Variants in SLF1 observed in about 807,000 individuals in gnomAD.
SLF1 encodes SMC5/6 complex localization factor 1.
In SLF1, 105 loss-of-function variants were observed where a neutral mutation model predicts 123.0. The ratio of observed to expected loss-of-function variants is 0.85; its 90% CI spans 0.73 to 1.00. SLF1 has a LOEUF of 1.00. SLF1 is among the 50% of genes least tolerant of loss of function. The pLI is 0.00. For missense variants in SLF1, 1,239 were observed against 1,223.0 expected (o/e 1.01, Z -0.20); for synonymous variants, 434 against 406.6 (o/e 1.07, Z -0.81).
chr5:94,683,898 G>A (rs1752096599), intron 15 of SLF1, among the ~76,000 whole-genome samples: 1 of 152,186 alleles, frequency 6.6e-6, no homozygotes, highest in Admixed American at 6.5e-5. Flanking sequence ...ACTCTGTACA[G>A]ATTAATGACC....
chr5:94,630,495 C>T lies in SLF1; in HGVS notation c.191-8C>T, dbSNP rs140280154. 6.8e-3 allele frequency: 10,529 copies of T among 1,538,132 alleles called. 42 individuals carry two copies. Among genetic ancestry groups the T allele is most frequent in the Non-Finnish European group, 8.6e-3 (9,803 of 1,137,044 alleles). On this transcript the variant is annotated splice_region_variant and splice_polypyrimidine_tract_variant and intron_variant, in intron 3 of 20. Transcript: ENST00000265140. ...TCCTTTGTGACTGACAGCTCATTTGCTTTCTAGGAAAGTGGATACTAACCA... is the reference window on the plus strand; with the variant it reads ...TCCTTTGTGACTGACAGCTCATTTGTTTTCTAGGAAAGTGGATACTAACCA...
chr5:94,628,217 C>T lies in SLF1; in HGVS notation c.1-594C>T, dbSNP rs1744796298. On this transcript the variant is annotated intron_variant, in intron 1 of 20. Coordinates refer to ENST00000265140, the MANE Select transcript of SLF1 (RefSeq NM_032290.4). Reference sequence around the variant, plus strand: ...CTGGAGTGCAGTGGCATGATCTTGGCTCACTGCAACCACTGCGTCCAGGGT... The same window carrying T: ...CTGGAGTGCAGTGGCATGATCTTGGTTCACTGCAACCACTGCGTCCAGGGT... Among the ~76,000 whole-genome samples the T allele has an allele frequency of 2.0e-5, 3 of 152,048 alleles. No individual in the cohort carries two copies. In the South Asian group the frequency reaches 6.2e-4, roughly 32 times the overall value.
intron 6 of SLF1, 141 bp downstream of exon 6, chr5:94,649,738 A>T (rs1324623582): frequency 1.3e-6 from 1 of 754,518 alleles, no homozygotes; most frequent in Non-Finnish European, 1.9e-6. Context: ...TGACTTGAAC[A>T]TGTTAGGAAA....
intron 1 of SLF1, among the ~76,000 whole-genome samples, chr5:94,621,729 A>G (rs948937340): frequency 2.6e-5 from 4 of 152,028 alleles, no homozygotes; most frequent in African/African-American, 7.2e-5. Context: ...TTTTCTCACC[A>G]TATTCACTTT....
chr5:94,641,825 C>G (rs1259431008), intron 4 of SLF1, among the ~76,000 whole-genome samples: 8 of 152,186 alleles, frequency 5.3e-5, no homozygotes, highest in Admixed American at 3.3e-4. Context: ...TATCACACTT[C>G]CATGGCAGCT....
chr5:94,669,209 C>T (rs1585192545), intron 12 of SLF1, among the ~76,000 whole-genome samples: 1 of 152,114 alleles, frequency 6.6e-6, no homozygotes, highest in South Asian at 2.1e-4. Context: ...CGTAAGTTCT[C>T]TATCTCTGAC....
intron 14 of SLF1, among the ~76,000 whole-genome samples, chr5:94,672,873 A>G (rs1750629409): frequency 6.6e-6 from 1 of 152,026 alleles, no homozygotes; most frequent in Non-Finnish European, 1.5e-5. Flanking sequence ...TATGCTTTTA[A>G]ATTGCATTTG....
At chr5:94,672,074 T>C (rs1713720906) in intron 14 of SLF1, among the ~76,000 whole-genome samples, 1 of 152,128 alleles carries the variant, frequency 6.6e-6, no homozygotes, top group Non-Finnish European at 1.5e-5. Context: ...TTCATAATTG[T>C]TTTAATCAAT....
chr5:94,655,355 A>G (rs2152481305), intron 9 of SLF1, among the ~76,000 whole-genome samples: 1 of 152,254 alleles, frequency 6.6e-6, no homozygotes, highest in South Asian at 2.1e-4. Flanking sequence ...CTTTGAAGTC[A>G]AGTAGTGTGT....
chr5:94,631,989 C>T (rs10076332), intron 4 of SLF1, among the ~76,000 whole-genome samples: 38,873 of 87,434 alleles, frequency 0.44, 5,787 homozygotes, highest in African/African-American at 0.52. Flanking sequence ...TTTTTTTTTT[C>T]CAAATTAAAT....
At chr5:94,667,860 C>T (rs151309934) in intron 12 of SLF1, among the ~76,000 whole-genome samples, 2,323 of 152,116 alleles carry the variant, frequency 0.015, 58 homozygotes, top group African/African-American at 0.052. Flanking sequence ...GTGATCCTCC[C>T]GCCTCAGCCT....
rs1157181943 is a variant in SLF1, at chr5:94,658,912, AT to A, written c.1156-3378del. On this transcript the variant is annotated intron_variant, in intron 9 of 20. Coordinates refer to ENST00000265140, the MANE Select transcript of SLF1 (RefSeq NM_032290.4). ...CTATTGCTGAAGCTCTCTGTTATAT[AT>A]TTTTTTTCATTCATTGAATTCTTAA... 4.6e-4 allele frequency among the ~76,000 whole-genome samples: 60 copies of A among 129,372 alleles called. No individual in the cohort carries two copies. The East Asian group carries it at 8.5e-3, about 18-fold the overall frequency. The allele number at this position is 129,372 out of a possible 152,430, so 84.9% of individuals were successfully genotyped here. A position where few individuals can be genotyped will look rare whatever the true frequency, so the allele number is the denominator to read the frequency against.
At chr5:94,625,030 C>CA (rs747154245) in intron 1 of SLF1, among the ~76,000 whole-genome samples, 1 of 150,578 alleles carries the variant, frequency 6.6e-6, no homozygotes, top group Non-Finnish European at 1.5e-5. Context: ...ACTAAAAAGA[C>CA]AAAAAATAAA....
At chr5:94,639,393 A>G (rs917114825) in intron 4 of SLF1, among the ~76,000 whole-genome samples, 5 of 151,658 alleles carry the variant, frequency 3.3e-5, no homozygotes, top group African/African-American at 1.2e-4. Flanking sequence ...CTTTTCCACT[A>G]GTTCAGTGTT....
In SLF1 at chr5:94,692,255, G is replaced by C; in HGVS notation, c.2694G>C (p.Gly898=). The C allele has an allele frequency of 1.2e-6, 2 of 1,612,346 alleles. No homozygotes were observed. The highest frequency in any genetic ancestry group is 1.1e-5 in the South Asian group (1 of 90,826). ...TTGGCAAGCTGCTACTACAGCATGG[G>C]GGTGAGTGTGTTTATGCTAAATGGG... ...VEIGKLLLQH[G]GPVLLQQRNA... is the part of the protein sequence containing the mutation. Residue 898 remains glycine (G), a splice_region_variant and synonymous_variant, in exon 20 of 21, where the codon GGG becomes GGC. Transcript: ENST00000265140.
At chr5:94,626,790 G>A (rs1214188072) in intron 1 of SLF1, among the ~76,000 whole-genome samples, 2 of 152,184 alleles carry the variant, frequency 1.3e-5, no homozygotes, top group Non-Finnish European at 2.9e-5. Context: ...GTGTCAGAAA[G>A]CATTGATATG....
intron 5 of SLF1, among the ~76,000 whole-genome samples, chr5:94,644,478 T>A (rs982485045): frequency 6.6e-6 from 1 of 152,224 alleles, no homozygotes; most frequent in African/African-American, 2.4e-5. Context: ...TTCTGTCTTT[T>A]CAATTGTATC....
At position 94,663,908 on chromosome 5, in the gene SLF1, G is replaced by A. The variant is rs1254230158; in HGVS notation, c.1368G>A (p.Gln456=). 6.6e-7 allele frequency: 1 copy of A among 1,512,360 alleles called. No homozygotes were observed. The highest frequency in any genetic ancestry group is 8.8e-7 in the Non-Finnish European group (1 of 1,133,968). 93.7% of individuals were successfully genotyped at this position (1,512,360 alleles called of 1,614,324 possible). Residue 456 remains glutamine (Q), a splice_region_variant and synonymous_variant, in exon 11 of 21, where the codon CAG becomes CAA. Transcript: ENST00000265140. ...VLHALLENVL[Q]DNIDTFSGRY... Reference sequence around the variant, plus strand: ...ATGCCCTTCTAGAGAACGTTCTACAGGTAAGAGCAGCCTTAAGGATTTATA... The same window carrying A: ...ATGCCCTTCTAGAGAACGTTCTACAAGTAAGAGCAGCCTTAAGGATTTATA...
At chr5:94,641,899 A>G (rs1361626004) in intron 4 of SLF1, among the ~76,000 whole-genome samples, 1 of 152,190 alleles carries the variant, frequency 6.6e-6, no homozygotes, top group Non-Finnish European at 1.5e-5. Flanking sequence ...CTCCCCCAGT[A>G]TTAGATCTCT....
Sources: gnomAD v4.1 joint callset for allele counts (sites outside exome capture counted in the v4.1 genomes callset) on GRCh38, gnomAD v4.1.1 for gene constraint, MANE v1.5 for transcripts, NCBI Gene and HGNC (gene_info 2026-07-23, HGNC 2026-07-21) for gene names.